RHBDD3: variants seen among roughly 807,000 people sequenced by gnomAD.
RHBDD3 encodes rhomboid domain-containing protein 3.
Under a neutral mutation model 32.3 loss-of-function variants are expected in RHBDD3, and 34 were observed. That is an observed-to-expected ratio of 1.05 (90% CI 0.80 to 1.40). The LOEUF (loss-of-function observed/expected upper bound fraction) is 1.40, where lower values mean the gene tolerates loss of function less well. Among genes scored for constraint, RHBDD3 ranks in the 40% most tolerant of loss-of-function variants. The probability of loss-of-function intolerance (pLI) is 0.00; values close to 1 mark genes in which losing one functional copy is unlikely to be tolerated. For missense variants in RHBDD3, 482 were observed against 492.6 expected, an observed-to-expected ratio of 0.98 and a Z score of 0.20; for synonymous variants, 249 against 239.1, an observed-to-expected ratio of 1.04 and a Z score of -0.38.
rs755489112 is a variant in RHBDD3 at position 29,260,357 on chromosome 22, A to G, written c.952T>C (p.Trp318Arg). 44 of 1,611,700 alleles carry G rather than the reference A, an allele frequency of 2.7e-5. No homozygotes were observed. The East Asian group carries it at 9.4e-4, about 34-fold the overall frequency. Residue 318 changes from tryptophan to arginine, a missense_variant, in exon 6 of 7, where the codon TGG becomes CGG. Transcript: ENST00000216085. ...GPAQEPQSAPWLSKSSVSSLR... is the reference protein window; with the variant it reads ...GPAQEPQSAPRLSKSSVSSLR... ...GAGGAGACAGAGGACTTGGACAGCCATGGTGCGCTCTGGGGTTCCTGGGCT... is the reference window on the plus strand; with the variant it reads ...GAGGAGACAGAGGACTTGGACAGCCGTGGTGCGCTCTGGGGTTCCTGGGCT...
chr22:29,260,851 G>A lies in RHBDD3; in HGVS notation c.546C>T (p.Ala182=). ...LLAGLAYAAG[A]FRWLEPSERR... ...GCTCTGAGGGTTCCAGCCACCGGAAGGCCCCAGCTGCATCTGTCTGCCCGG... is the reference window on the plus strand; with the variant it reads ...GCTCTGAGGGTTCCAGCCACCGGAAAGCCCCAGCTGCATCTGTCTGCCCGG... Residue 182 remains alanine (A), a synonymous_variant, in exon 5 of 7, where the codon GCC becomes GCT. Transcript: ENST00000216085. 2 of 1,587,430 alleles carry A rather than the reference G, an allele frequency of 1.3e-6. No individual in the cohort carries two copies.
At chr22:29,265,414 C>T in intron 3 of RHBDD3, 65 bp downstream of exon 3, 9 of 1,385,036 alleles carry the variant, frequency 6.5e-6, no homozygotes, top group African/African-American at 1.5e-5. Flanking sequence ...CTGCTCCTGC[C>T]AAGTGGGCCC....
chr22:29,268,115 T>G, upstream of RHBDD3: 1 of 621,850 alleles, frequency 1.6e-6, no homozygotes, highest in Non-Finnish European at 2.9e-6. Flanking sequence ...TAGATGCTAT[T>G]TTGGCCCGAG....
chr22:29,265,364 C>T (rs1341737973), intron 3 of RHBDD3, 115 bp downstream of exon 3: 4 of 808,166 alleles, frequency 4.9e-6, no homozygotes, highest in Non-Finnish European at 7.3e-6. Flanking sequence ...TTTCCCGGGA[C>T]ACTGGGCCCC....
chr22:29,260,580 G>T lies in RHBDD3; in HGVS notation c.729C>A (p.Ser243=), dbSNP rs1451759303. 1 of 1,600,744 alleles carries T rather than the reference G, an allele frequency of 6.2e-7. No homozygotes were observed. The change falls in exon 6 of 7, where the codon TCC becomes TCA. Residue 243 remains serine (S), a synonymous_variant. Coordinates refer to ENST00000216085, the MANE Select transcript of RHBDD3 (RefSeq NM_012265.3). Reference sequence around the variant, plus strand: ...CTTCCCAGTGGGACCAGAGGTCAGGGGAGGCCACATAAGGCGGTCCAGGGA... The same window carrying T: ...CTTCCCAGTGGGACCAGAGGTCAGGTGAGGCCACATAAGGCGGTCCAGGGA... ...PPIPGPPYVA[S]PDLWSHWEDS...
upstream of RHBDD3, chr22:29,268,071 AC>A (rs2058271314): frequency 1.7e-6 from 1 of 580,532 alleles, no homozygotes; most frequent in East Asian, 2.9e-5. Context: ...CTCCGGTTTC[AC>A]GCTGAGACCC....
chr22:29,261,350 A>C (rs909698956), intron 4 of RHBDD3: 1 of 467,890 alleles, frequency 2.1e-6, no homozygotes, highest in African/African-American at 2.0e-5. Context: ...TAATCCCAGC[A>C]CTTGGGGAGG....
chr22:29,264,565 C>T (rs1329816553), intron 3 of RHBDD3: 2 of 978,574 alleles, frequency 2.0e-6, no homozygotes, highest in Non-Finnish European at 2.4e-6. Context: ...CATGAAATGG[C>T]CTGCTTCAAT....
intron 4 of RHBDD3, chr22:29,261,066 C>A: frequency 1.6e-6 from 1 of 631,130 alleles, no homozygotes; most frequent in South Asian, 2.0e-5. Flanking sequence ...AGCTACTCAG[C>A]CAAACAGAGC....
At position 29,262,235 on chromosome 22, in the gene RHBDD3, T is replaced by C. The variant is rs550384530; in HGVS notation, c.533-1371A>G. ...AGCTCACTGCAACCTCTCTCCTGGG[T>C]TCCAGCAATTCTCCTGCCTCAGCCT... On this transcript the variant is annotated intron_variant, in intron 4 of 6. Coordinates refer to ENST00000216085, the MANE Select transcript of RHBDD3 (RefSeq NM_012265.3). Among the ~76,000 whole-genome samples, 197 of 149,958 alleles carry C rather than the reference T, an allele frequency of 1.3e-3. 2 individuals carry two copies. The highest frequency in any genetic ancestry group is 4.7e-3 in the African/African-American group (190 of 40,716).
chr22:29,266,738 T>G (rs1227820642), intron 2 of RHBDD3, among the ~76,000 whole-genome samples: 1 of 152,192 alleles, frequency 6.6e-6, no homozygotes, highest in East Asian at 1.9e-4. Context: ...ACTGAGCTGA[T>G]TCAGGGCAGG....
At chr22:29,265,702 CT>C in intron 2 of RHBDD3, 34 bp from the exon 3 acceptor site, 1 of 1,494,312 alleles carries the variant, frequency 6.7e-7, no homozygotes, top group Non-Finnish European at 8.8e-7. Flanking sequence ...CAAGTTATTA[CT>C]GGAGCTTTTA....
rs1320587315 is a variant in RHBDD3 at position 29,264,099 on chromosome 22, G to A, written c.268C>T (p.Leu90=). The change falls in exon 4 of 7, where the codon CTG becomes TTG. Residue 90 remains leucine, a synonymous_variant. Coordinates refer to ENST00000216085, the MANE Select transcript of RHBDD3 (RefSeq NM_012265.3). ...AGGGCGAGCAGGGCTGAGGCATGCAGGAATCTCAGCGTGCCCAGGTGGCAC... is the reference window on the plus strand; with the variant it reads ...AGGGCGAGCAGGGCTGAGGCATGCAAGAATCTCAGCGTGCCCAGGTGGCAC... The part of the protein sequence containing the change: ...QECHLGTLRF[L]HASALLALAS... 3.8e-6 allele frequency: 6 copies of A among 1,586,468 alleles called. No homozygotes were observed. The South Asian group carries it at 6.9e-5, about 18-fold the overall frequency.
chr22:29,264,072 C>A lies in RHBDD3; in HGVS notation c.295G>T (p.Ala99Ser). 6.3e-7 allele frequency: 1 copy of A among 1,581,350 alleles called. No homozygotes were observed. Among genetic ancestry groups the A allele is most frequent in the Non-Finnish European group, 8.6e-7 (1 of 1,164,894 alleles). Reference sequence around the variant, plus strand: ...AGCAGCACTGCCAGCAGCCCAGAAGCCAGGGCGAGCAGGGCTGAGGCATGC... The same window carrying A: ...AGCAGCACTGCCAGCAGCCCAGAAGACAGGGCGAGCAGGGCTGAGGCATGC... Reference protein sequence around the residue: ...FLHASALLALASGLLAVLLAG... With the variant: ...FLHASALLALSSGLLAVLLAG... The change falls in exon 4 of 7, where the codon GCT becomes TCT. Residue 99 changes from alanine (A) to serine (S), a missense_variant. Physicochemically the swap from Ala to Ser is moderately conservative, Grantham distance 99. Transcript: ENST00000216085.
rs1049525872 is a variant in RHBDD3 at position 29,264,300 on chromosome 22, C to T, written c.149-82G>A. The T allele has an allele frequency of 1.7e-5, 25 of 1,442,386 alleles. No individual in the cohort carries two copies. The East Asian group carries it at 2.5e-4, about 15-fold the overall frequency. 89.3% of individuals were successfully genotyped at this position (1,442,386 alleles called of 1,614,324 possible). On this transcript the variant is annotated intron_variant, in intron 3 of 6. Transcript: ENST00000216085. ...CCCAGGTGTGCCAGGTTGAAGGTTA[C>T]GCTACACCAGGGCCACCTGCTGAGC... is the stretch of plus-strand genomic sequence containing the variant.
chr22:29,263,754 C>T (rs1331796081), intron 4 of RHBDD3, 81 bp downstream of exon 4: 7 of 1,449,752 alleles, frequency 4.8e-6, no homozygotes, highest in African/African-American at 1.4e-5. Flanking sequence ...GGGCCTTCAC[C>T]CCTTTGTGCC....
rs769447645 is a variant in RHBDD3, at chr22:29,261,365, G to C, written c.533-501C>G. 1.7e-5 allele frequency: 8 copies of C among 464,978 alleles called. 1 individual carries two copies. Among genetic ancestry groups the C allele is most frequent in the South Asian group, 1.2e-4 (8 of 64,570 alleles). 28.8% of individuals were successfully genotyped at this position (464,978 alleles called of 1,614,324 possible). ...TAATCCCAGCACTTGGGGAGGCTGA[G>C]ACGGGAGGATCACTTGAGGCCAGGA... On this transcript the variant is annotated intron_variant, in intron 4 of 6. Coordinates refer to ENST00000216085, the MANE Select transcript of RHBDD3 (RefSeq NM_012265.3).
chr22:29,265,203 T>C, intron 3 of RHBDD3: 1 of 311,518 alleles, frequency 3.2e-6, no homozygotes, highest in East Asian at 5.2e-5. Flanking sequence ...GTCAGCCACC[T>C]GGCCTTAGTT....
At chr22:29,264,565 C>A (rs1329816553) in intron 3 of RHBDD3, 8 of 978,456 alleles carry the variant, frequency 8.2e-6, no homozygotes, top group African/African-American at 1.8e-5. Flanking sequence ...CATGAAATGG[C>A]CTGCTTCAAT....
Sources: allele counts gnomAD v4.1 joint callset (sites outside exome capture counted in the v4.1 genomes callset), GRCh38; gene constraint gnomAD v4.1.1; transcripts MANE v1.5; gene names NCBI Gene and HGNC (gene_info 2026-07-23, HGNC 2026-07-21).